The following LOC114841035 variants were observed in gnomAD, a reference collection of about 807,000 sequenced individuals.
At chr11:64,242,187 C>T in the LOC114841035 span, 2 of 500,350 alleles carry the variant, frequency 4.0e-6, no homozygotes, top group Non-Finnish European at 3.4e-6. Context: ...CTGGGGTCCT[C>T]GGCCAAGCCC....
At chr11:64,243,602 C>G in the LOC114841035 span, 1 of 1,406,584 alleles carries the variant, frequency 7.1e-7, no homozygotes, top group Admixed American at 1.7e-5. Flanking sequence ...CCATTCATTA[C>G]AATACATGCC....
chr11:64,243,399 C>T, the LOC114841035 span: 1 of 1,611,324 alleles, frequency 6.2e-7, no homozygotes, highest in East Asian at 2.2e-5. Flanking sequence ...CCCAGGGATA[C>T]AAGACAAGGG....
the LOC114841035 span, chr11:64,241,311 G>A: frequency 6.6e-6 from 1 of 152,290 alleles, no homozygotes; most frequent in Non-Finnish European, 1.5e-5. Context: ...CACGCCGCAC[G>A]GGGCGGAGTC....
At chr11:64,243,951 C>T in the LOC114841035 span, 1 of 1,614,114 alleles carries the variant, frequency 6.2e-7, no homozygotes, top group Non-Finnish European at 8.5e-7. Flanking sequence ...CATTTTGACT[C>T]CCCTTCTCCC....
chr11:64,242,586 A>G, the LOC114841035 span: 1 of 1,512,726 alleles, frequency 6.6e-7, no homozygotes, highest in Non-Finnish European at 8.8e-7. Flanking sequence ...GCCTTTTGGG[A>G]GTGGGTGGGG....
the LOC114841035 span, chr11:64,242,360 G>T: frequency 6.8e-7 from 1 of 1,476,064 alleles, no homozygotes; most frequent in Non-Finnish European, 9.0e-7. Context: ...CGTTCAGTCG[G>T]TCGGTCGGGG....
At chr11:64,243,664 G>T in the LOC114841035 span, 1 of 1,150,170 alleles carries the variant, frequency 8.7e-7, no homozygotes, top group Admixed American at 1.9e-5. Context: ...GATCATTGAA[G>T]CACTCAGCTG....
At chr11:64,242,779 TAAA>T in the LOC114841035 span, among the ~76,000 whole-genome samples, 1 of 152,198 alleles carries the variant, frequency 6.6e-6, no homozygotes, top group South Asian at 2.1e-4. Context: ...TCTGTCCTCT[TAAA>T]GAACTATGAC....
chr11:64,243,424 A>G, the LOC114841035 span: 3 of 1,613,876 alleles, frequency 1.9e-6, no homozygotes, highest in Non-Finnish European at 2.5e-6. Flanking sequence ...GGGTGCTGCC[A>G]TGGGCTGAGC....
At chr11:64,242,640 G>A in the LOC114841035 span, 2 of 1,432,604 alleles carry the variant, frequency 1.4e-6, no homozygotes, top group Non-Finnish European at 1.9e-6. Flanking sequence ...TTCTCCATAA[G>A]CCAGGTAGGT....
the LOC114841035 span, chr11:64,242,321 G>A: frequency 2.8e-6 from 4 of 1,416,628 alleles, no homozygotes; most frequent in East Asian, 2.7e-5. Flanking sequence ...TTACCTACCC[G>A]TGTTCCATAC....
chr11:64,242,417 A>G, the LOC114841035 span: 5 of 1,553,792 alleles, frequency 3.2e-6, no homozygotes, highest in South Asian at 5.9e-5. Context: ...GGGTCCTGAC[A>G]GTACTGTCCA....
the LOC114841035 span, chr11:64,241,683 G>A: frequency 1.3e-5 from 2 of 152,290 alleles, no homozygotes; most frequent in Admixed American, 1.3e-4. Flanking sequence ...GGGCGTCCTC[G>A]CGGGGGTGGT....
chr11:64,244,036 TGGGGA>T, the LOC114841035 span: 2 of 1,612,372 alleles, frequency 1.2e-6, no homozygotes, highest in Non-Finnish European at 1.7e-6. Flanking sequence ...GTAACCAGAC[TGGGGA>T]GGGGCAGGGG....
chr11:64,243,229 A>C, the LOC114841035 span: 2 of 1,613,746 alleles, frequency 1.2e-6, no homozygotes, highest in Non-Finnish European at 1.7e-6. Context: ...AGAGTTTGAC[A>C]GCAGCCTGCC....
the LOC114841035 span, chr11:64,242,364 G>A: frequency 1.3e-6 from 2 of 1,488,028 alleles, no homozygotes; most frequent in African/African-American, 1.5e-5. Context: ...CAGTCGGTCG[G>A]TCGGGGTCTG....
the LOC114841035 span, chr11:64,243,203 A>C: frequency 6.2e-6 from 10 of 1,613,622 alleles, no homozygotes; most frequent in Non-Finnish European, 8.5e-6. Flanking sequence ...CCACAGGGGA[A>C]GCTGGAAGAT....
At chr11:64,242,605 G>A in the LOC114841035 span, 2 of 1,513,554 alleles carry the variant, frequency 1.3e-6, no homozygotes, top group East Asian at 2.6e-5. Context: ...GGCTTCCGAG[G>A]ACCAGAGAGT....
the LOC114841035 span, chr11:64,243,467 A>G: frequency 6.2e-7 from 1 of 1,614,002 alleles, no homozygotes; most frequent in Non-Finnish European, 8.5e-7. Context: ...TGAGGGGGAA[A>G]AGCGCAAGCT....
Sources: allele counts gnomAD v4.1 joint callset (sites outside exome capture counted in the v4.1 genomes callset), GRCh38; gene constraint gnomAD v4.1.1; transcripts MANE v1.5.